CYP11B1: variants seen among roughly 807,000 people sequenced by gnomAD.
CYP11B1 encodes the protein cytochrome P450 11B1, mitochondrial.
CYP11B1 carries 34 observed loss-of-function variants against 48.3 expected under a neutral mutation model. That is an observed-to-expected ratio of 0.70 (90% CI 0.54 to 0.94). The LOEUF is 0.94. Among genes scored for constraint, CYP11B1 ranks in the 40% least tolerant of loss-of-function variants. The pLI, the probability that CYP11B1 is intolerant of heterozygous loss-of-function variation, is 0.00. For missense variants in CYP11B1, 688 were observed against 657.4 expected (o/e 1.05, Z -0.51); for synonymous variants, 291 against 262.5 (o/e 1.11, Z -1.05).
intron 8 of CYP11B1, 34 bp downstream of exon 8, chr8:142,874,923 C>G (rs1466358475): frequency 6.2e-7 from 1 of 1,609,720 alleles, no homozygotes; most frequent in Admixed American, 1.7e-5. Flanking sequence ...GCCCAGACCC[C>G]GCCCAGGCCC....
chr8:142,879,078 C>T lies in CYP11B1; in HGVS notation c.349G>A (p.Val117Met), dbSNP rs1360053956. ...HPHRMSLEPW[V>M]AYRQHRGHKC... ...TGCCCACGATGTTGTCTGTAGGCCA[C>T]CCAGGGCTCCAGGCTCATCCTGTGG... The change falls in exon 2 of 9, where the codon GTG becomes ATG. Residue 117 changes from valine to methionine, a missense_variant. Transcript: ENST00000292427. 1 of 1,614,206 alleles carries T rather than the reference C, an allele frequency of 6.2e-7. No homozygotes were observed. Among genetic ancestry groups the T allele is most frequent in the Admixed American group, 1.7e-5 (1 of 60,024 alleles).
At position 142,874,180 on chromosome 8, in the gene CYP11B1, T is replaced by C. The variant is rs61752798; in HGVS notation, c.*193A>G. Reference sequence around the variant, plus strand: ...CAAGGTCAGCAAGATCTTCCCCAGCTGTGCCCTGGCATTGCTGCTTAGCCT... The same window carrying C: ...CAAGGTCAGCAAGATCTTCCCCAGCCGTGCCCTGGCATTGCTGCTTAGCCT... On this transcript the variant is annotated 3_prime_UTR_variant, in exon 9 of 9. Coordinates refer to ENST00000292427, the MANE Select transcript of CYP11B1 (RefSeq NM_000497.4). 7 of 630,712 alleles carry C rather than the reference T, an allele frequency of 1.1e-5. No homozygotes were observed. Among genetic ancestry groups the C allele is most frequent in the African/African-American group, 1.1e-4 (6 of 55,168 alleles). The allele number at this position is 630,712 out of a possible 1,614,324, so 39.1% of individuals were successfully genotyped here. A position where few individuals can be genotyped will look rare whatever the true frequency, so the allele number is the denominator to read the frequency against.
In CYP11B1 at chr8:142,872,972, A is replaced by G. The variant is rs1202027801; in HGVS notation, c.*1401T>C. 1 of 152,232 alleles carries G rather than the reference A, an allele frequency of 6.6e-6. No individual in the cohort carries two copies. Among genetic ancestry groups the G allele is most frequent in the Non-Finnish European group, 1.5e-5 (1 of 68,058 alleles). 9.4% of individuals were successfully genotyped at this position (152,232 alleles called of 1,614,324 possible). ...GAGGTGGGTCCTCACCAGACACAGA[A>G]CCTGCTGACACCTTGATCTTAGCCT... is the stretch of plus-strand genomic sequence containing the variant. On this transcript the variant is annotated 3_prime_UTR_variant, in exon 9 of 9. Coordinates refer to ENST00000292427, the MANE Select transcript of CYP11B1 (RefSeq NM_000497.4).
Position 142,875,330 on chromosome 8 carries a change from C to A in CYP11B1, c.1122-18G>T. On this transcript the variant is annotated intron_variant, in intron 6 of 8. Coordinates refer to ENST00000292427, the MANE Select transcript of CYP11B1 (RefSeq NM_000497.4). ...GGTAGAGCCTGGAGGTGGGGGCATCCATAGAAAGGGTCCTCAGCTGGATGG... is the reference window on the plus strand; with the variant it reads ...GGTAGAGCCTGGAGGTGGGGGCATCAATAGAAAGGGTCCTCAGCTGGATGG... The A allele has an allele frequency of 6.2e-7, 1 of 1,609,248 alleles. No homozygotes were observed. Among genetic ancestry groups the A allele is most frequent in the Non-Finnish European group, 8.5e-7 (1 of 1,178,710 alleles).
At chr8:142,876,505 C>G in intron 4 of CYP11B1, 110 bp from the exon 5 acceptor site, 1 of 1,542,064 alleles carries the variant, frequency 6.5e-7, no homozygotes, top group Non-Finnish European at 8.8e-7. Flanking sequence ...GCTCTCATCC[C>G]AAATTCTCCG....
In CYP11B1 at chr8:142,874,350, G is replaced by A; in HGVS notation, c.*23C>T. 6.5e-7 allele frequency: 1 copy of A among 1,547,614 alleles called. No individual in the cohort carries two copies. Among genetic ancestry groups the A allele is most frequent in the South Asian group, 1.1e-5 (1 of 89,692 alleles). The stretch of plus-strand genomic sequence containing the variant: ...GAAAGGGAGGCTGGTGGCCAGGCTG[G>A]GACCCTGGGTGCAGAGACGTGATTA... On this transcript the variant is annotated 3_prime_UTR_variant, in exon 9 of 9. Coordinates refer to ENST00000292427, the MANE Select transcript of CYP11B1 (RefSeq NM_000497.4).
At chr8:142,875,488 C>G (rs1279202676) in intron 6 of CYP11B1, 176 bp from the exon 7 acceptor site, 1 of 1,061,852 alleles carries the variant, frequency 9.4e-7, no homozygotes, top group African/African-American at 1.6e-5. Flanking sequence ...CTTAAGCAGC[C>G]CCGAGCGCAG....
At position 142,876,393 on chromosome 8, in the gene CYP11B1, C is replaced by T. The variant is rs748180875; in HGVS notation, c.802G>A (p.Asp268Asn). The T allele has an allele frequency of 1.5e-5, 24 of 1,613,286 alleles. No homozygotes were observed. Among genetic ancestry groups the T allele is most frequent in the Non-Finnish European group, 1.8e-5 (21 of 1,179,688 alleles). ...EAWDCIFQYGDNCIQKIYQEL... is the reference protein window; with the variant it reads ...EAWDCIFQYGNNCIQKIYQEL... ...TGATAGATTTTCTGGATACAGTTGT[C>T]GCCTATCCGGGGAGCGGGAGGCAGC... Residue 268 changes from aspartate (D) to asparagine (N), a missense_variant and splice_region_variant, in exon 5 of 9, where the codon GAC (aspartate) becomes AAC (asparagine). Coordinates refer to ENST00000292427, the MANE Select transcript of CYP11B1 (RefSeq NM_000497.4).
intron 3 of CYP11B1, 26 bp downstream of exon 3, chr8:142,876,997 G>T: frequency 6.2e-7 from 1 of 1,612,992 alleles, no homozygotes; most frequent in East Asian, 2.2e-5. Context: ...GGTCTCTGAG[G>T]CTGGATCTTC....
At position 142,875,421 on chromosome 8, in the gene CYP11B1, C is replaced by G. The variant is rs61752789; in HGVS notation, c.1122-109G>C. The G allele has an allele frequency of 7.1e-4, 966 of 1,360,148 alleles. 2 individuals carry two copies. In the African/African-American group the frequency reaches 0.012, roughly 17 times the overall value. 84.3% of individuals were successfully genotyped at this position (1,360,148 alleles called of 1,614,324 possible). ...GCAGAGGTCCCAGATCCATGGGAAGCCCAGGTCGTAGGAAGTGCTTCCTTG... is the reference window on the plus strand; with the variant it reads ...GCAGAGGTCCCAGATCCATGGGAAGGCCAGGTCGTAGGAAGTGCTTCCTTG... On this transcript the variant is annotated intron_variant, in intron 6 of 8. Transcript: ENST00000292427.
In CYP11B1 at chr8:142,876,672, C is replaced by T. The variant is rs1816961566; in HGVS notation, c.799+10G>A. On this transcript the variant is annotated intron_variant, in intron 4 of 8. Transcript: ENST00000292427. The stretch of plus-strand genomic sequence containing the variant: ...CTTCCCCATAGCACTGCCCGGGTCC[C>T]TGGCCTCACCGTACTGGAAGATGCA... 4 of 1,604,212 alleles carry T rather than the reference C, an allele frequency of 2.5e-6. No homozygotes were observed. Among genetic ancestry groups the T allele is most frequent in the Non-Finnish European group, 1.7e-6 (2 of 1,175,706 alleles).
intron 8 of CYP11B1, 43 bp downstream of exon 8, chr8:142,874,913 GC>G: frequency 1.2e-6 from 2 of 1,607,462 alleles, no homozygotes; most frequent in Non-Finnish European, 1.7e-6. Flanking sequence ...CGCCCATGCT[GC>G]CCAGACCCCG....
chr8:142,875,684 C>A (rs749978400), intron 6 of CYP11B1, 28 bp downstream of exon 6: 8 of 1,612,366 alleles, frequency 5.0e-6, no homozygotes, highest in Middle Eastern at 3.6e-4. Context: ...GGGGCCAGGG[C>A]CACAGGGAGG....
At position 142,874,132 on chromosome 8, in the gene CYP11B1, A is replaced by G. The variant is rs1816862808; in HGVS notation, c.*241T>C. 5.2e-6 allele frequency: 3 copies of G among 572,280 alleles called. No homozygotes were observed. The highest frequency in any genetic ancestry group is 2.9e-5 in the Admixed American group (1 of 34,532). 35.5% of individuals were successfully genotyped at this position (572,280 alleles called of 1,614,324 possible). ...GCCCAGAGGACAGTGCTTGCTGGAG[A>G]AAGGGCCAGGTGGGGCTGGGGACAA... On this transcript the variant is annotated 3_prime_UTR_variant, in exon 9 of 9. Transcript: ENST00000292427.
In CYP11B1 at chr8:142,877,089, G is replaced by A. The variant is rs1816982116; in HGVS notation, c.529C>T (p.Leu177=). 1 of 1,613,836 alleles carries A rather than the reference G, an allele frequency of 6.2e-7. No individual in the cohort carries two copies. The highest frequency in any genetic ancestry group is 1.7e-5 in the Admixed American group (1 of 59,964). Residue 177 remains leucine (L), a synonymous_variant, in exon 3 of 9, where the codon CTG becomes TTG. Transcript: ENST00000292427. ...DFSQALKKKV[L]QNARGSLTLD... is the part of the protein sequence containing the mutation. ...GTCAGGCTCCCCCGGGCGTTCTGCA[G>A]CACCTTCTTCTTCAGGGCCTGGGAG...
chr8:142,874,443 A>T lies in CYP11B1; in HGVS notation c.1442T>A (p.Ile481Lys). 6.2e-7 allele frequency: 1 copy of T among 1,614,042 alleles called. No homozygotes were observed. The highest frequency in any genetic ancestry group is 8.5e-7 in the Non-Finnish European group (1 of 1,179,962). Residue 481 changes from isoleucine (I) to lysine (K), a missense_variant, in exon 9 of 9, where the codon ATA becomes AAA. By Grantham distance (102) the Ile-to-Lys change is moderately radical. Transcript: ENST00000292427. ...CAATATGAAGCTGTAGACCATCTTT[A>T]TGTCCTCTTGGGTTAGTGTCTCCAC... ...LQVETLTQED[I>K]KMVYSFILRP...
chr8:142,874,164 C>T lies in CYP11B1; in HGVS notation c.*209G>A, dbSNP rs1357555593. 2.3e-5 allele frequency: 14 copies of T among 611,878 alleles called. No homozygotes were observed. The Admixed American group carries it at 3.0e-4, about 13-fold the overall frequency. The allele number at this position is 611,878 out of a possible 1,614,324, so 37.9% of individuals were successfully genotyped here. A position where few individuals can be genotyped will look rare whatever the true frequency, so the allele number is the denominator to read the frequency against. ...CAGGTGGGGCTGGGGACAAGGTCAG[C>T]AAGATCTTCCCCAGCTGTGCCCTGG... On this transcript the variant is annotated 3_prime_UTR_variant, in exon 9 of 9. Transcript: ENST00000292427.
chr8:142,879,493 G>A, intron 1 of CYP11B1, 82 bp downstream of exon 1: 1 of 1,614,042 alleles, frequency 6.2e-7, no homozygotes, highest in Non-Finnish European at 8.5e-7. Flanking sequence ...GCTGGGAATG[G>A]CAGTGCTGAG....
At position 142,873,887 on chromosome 8, in the gene CYP11B1, C is replaced by T. The variant is rs1282643896; in HGVS notation, c.*486G>A. ...ACTTTCAGAGAGCTCAGGGCATGCTCGAGCTGCCTAGGGGTCAGGCTGCAG... is the reference window on the plus strand; with the variant it reads ...ACTTTCAGAGAGCTCAGGGCATGCTTGAGCTGCCTAGGGGTCAGGCTGCAG... On this transcript the variant is annotated 3_prime_UTR_variant, in exon 9 of 9. Coordinates refer to ENST00000292427, the MANE Select transcript of CYP11B1 (RefSeq NM_000497.4). 3 of 218,498 alleles carry T rather than the reference C, an allele frequency of 1.4e-5. No individual in the cohort carries two copies. Among genetic ancestry groups the T allele is most frequent in the Middle Eastern group, 1.8e-3 (1 of 564 alleles). The allele number at this position is 218,498 out of a possible 1,614,324, so 13.5% of individuals were successfully genotyped here. A position where few individuals can be genotyped will look rare whatever the true frequency, so the allele number is the denominator to read the frequency against.
Sources: allele counts gnomAD v4.1 joint callset, GRCh38; gene constraint gnomAD v4.1.1; transcripts MANE v1.5; gene names NCBI Gene and HGNC (gene_info 2026-07-23, HGNC 2026-07-21).